RFWD3: variants seen among roughly 807,000 people sequenced by gnomAD.
RFWD3 encodes E3 ubiquitin-protein ligase RFWD3.
RFWD3 carries 65 observed loss-of-function variants against 87.7 expected under a neutral mutation model. That is an observed-to-expected ratio of 0.74 (90% CI 0.61 to 0.91). The LOEUF (loss-of-function observed/expected upper bound fraction) is 0.91, where lower values mean the gene tolerates loss of function less well. Among genes scored for constraint, RFWD3 ranks in the 40% least tolerant of loss-of-function variants. The pLI is 0.00. For synonymous variants in RFWD3, 433 were observed against 352.8 expected, an observed-to-expected ratio of 1.23 and a Z score of -2.55; for missense variants, 1,078 against 938.5, an observed-to-expected ratio of 1.15 and a Z score of -1.94.
chr16:74,659,145 A>G (rs1390134417), intron 2 of RFWD3, among the ~76,000 whole-genome samples: 3 of 152,140 alleles, frequency 2.0e-5, no homozygotes, highest in Admixed American at 6.5e-5. Flanking sequence ...CATCTGGTTT[A>G]TAAGTGTCAC....
intron 12 of RFWD3, 63 bp from the exon 13 acceptor site, chr16:74,624,134 TTCA>T: frequency 6.4e-7 from 1 of 1,550,614 alleles, no homozygotes; most frequent in Non-Finnish European, 8.7e-7. Context: ...ACTTCCATTC[TTCA>T]TCATCTAACA....
In RFWD3 at chr16:74,642,469, T is replaced by C. The variant is rs574800222; in HGVS notation, c.1079+1893A>G. Among the ~76,000 whole-genome samples, 5 of 151,954 alleles carry C rather than the reference T, an allele frequency of 3.3e-5. No homozygotes were observed. The East Asian group carries it at 9.7e-4, about 29-fold the overall frequency. ...AACTTCTTCTTCTTTAAAATTTTCTTTCCTTTTTTTCCTTCTTGACCTGGT... is the reference window on the plus strand; with the variant it reads ...AACTTCTTCTTCTTTAAAATTTTCTCTCCTTTTTTTCCTTCTTGACCTGGT... On this transcript the variant is annotated intron_variant, in intron 6 of 12. Coordinates refer to ENST00000361070, the MANE Select transcript of RFWD3 (RefSeq NM_018124.4).
chr16:74,629,571 G>A (rs1462738330), intron 10 of RFWD3, among the ~76,000 whole-genome samples: 1 of 151,704 alleles, frequency 6.6e-6, no homozygotes, highest in Non-Finnish European at 1.5e-5. Context: ...AGGATGCAGT[G>A]ATCCAAGACT....
intron 12 of RFWD3, among the ~76,000 whole-genome samples, chr16:74,624,752 T>G (rs554818494): frequency 6.6e-6 from 1 of 152,112 alleles, no homozygotes; most frequent in Non-Finnish European, 1.5e-5. Flanking sequence ...TTCCAACACT[T>G]TGGGAGTCTG....
chr16:74,644,737 T>C lies in RFWD3; in HGVS notation c.793-2A>G. 6.2e-7 allele frequency: 1 copy of C among 1,606,360 alleles called. No individual in the cohort carries two copies. The highest frequency in any genetic ancestry group is 1.1e-5 in the South Asian group (1 of 90,826). On this transcript the variant is annotated splice_acceptor_variant, in intron 4 of 12. Coordinates refer to ENST00000361070, the MANE Select transcript of RFWD3 (RefSeq NM_018124.4). LOFTEE classifies it high-confidence loss of function. ...AGGCTCAGACTTCTGGGGAGATGGCTAGATGGAAAGCAGAATATATTCAAA... is the reference window on the plus strand; with the variant it reads ...AGGCTCAGACTTCTGGGGAGATGGCCAGATGGAAAGCAGAATATATTCAAA...
At chr16:74,641,200 T>C (rs1326002728) in intron 6 of RFWD3, among the ~76,000 whole-genome samples, 1 of 151,974 alleles carries the variant, frequency 6.6e-6, no homozygotes, top group Admixed American at 6.6e-5. Context: ...TTCGCCATTG[T>C]TGCCCAAGCA....
intron 2 of RFWD3, among the ~76,000 whole-genome samples, chr16:74,655,870 CT>C (rs1293496229): frequency 7.2e-5 from 11 of 152,188 alleles, no homozygotes; most frequent in African/African-American, 2.7e-4. Context: ...TGGATAACAG[CT>C]TATCTGTTTA....
rs1958827507 is a variant in RFWD3 at position 74,623,520 on chromosome 16, T to C, written c.*408A>G. 1 of 170,588 alleles carries C rather than the reference T, an allele frequency of 5.9e-6. No homozygotes were observed. 10.6% of individuals were successfully genotyped at this position (170,588 alleles called of 1,614,324 possible). ...AGACGATGGTTAGTCCCTTCAAGGA[T>C]ACTTAAGTGACAGGACAACTCAGAT... On this transcript the variant is annotated 3_prime_UTR_variant, in exon 13 of 13. Coordinates refer to ENST00000361070, the MANE Select transcript of RFWD3 (RefSeq NM_018124.4).
chr16:74,636,412 C>T lies in RFWD3; in HGVS notation c.1360G>A (p.Ala454Thr). Residue 454 changes from alanine to threonine, a missense_variant, in exon 8 of 13, where the codon GCA becomes ACA. By Grantham distance (58) the Ala-to-Thr change is moderately conservative. Coordinates refer to ENST00000361070, the MANE Select transcript of RFWD3 (RefSeq NM_018124.4). ...AGGCAGCTCAGAGCATCACAGTATG[C>T]CATGATCCGGCAGTTTCCTGCCTGA... ...VSQAGNCRIM[A>T]YCDALSCLVI... 1 of 1,614,182 alleles carries T rather than the reference C, an allele frequency of 6.2e-7. No homozygotes were observed. The highest frequency in any genetic ancestry group is 8.5e-7 in the Non-Finnish European group (1 of 1,180,030).
Position 74,661,400 on chromosome 16 carries a change from G to C in RFWD3, c.50C>G (p.Ala17Gly). 1.2e-6 allele frequency: 2 copies of C among 1,613,848 alleles called. No homozygotes were observed. Among genetic ancestry groups the C allele is most frequent in the Non-Finnish European group, 1.7e-6 (2 of 1,179,934 alleles). Residue 17 changes from alanine (A) to glycine (G), a missense_variant, in exon 2 of 13, where the codon GCC becomes GGC. Physicochemically the swap from Ala to Gly is moderately conservative, Grantham distance 60. Transcript: ENST00000361070. ...GCCAGCAGGAGCTGGCTGTTGTTCG[G>C]CATGATTTAACTGCACCTGAACATC... Reference protein sequence around the residue: ...EYDVQVQLNHAEQQPAPAGMA... With the variant: ...EYDVQVQLNHGEQQPAPAGMA...
At chr16:74,659,512 T>C (rs1247644596) in intron 2 of RFWD3, among the ~76,000 whole-genome samples, 8 of 152,052 alleles carry the variant, frequency 5.3e-5, no homozygotes. Flanking sequence ...CAAGAATCGC[T>C]TGAACCCGGG....
intron 2 of RFWD3, among the ~76,000 whole-genome samples, chr16:74,659,803 C>T (rs922239152): frequency 6.6e-6 from 1 of 152,186 alleles, no homozygotes; most frequent in Admixed American, 6.5e-5. Flanking sequence ...ACAACCAAAT[C>T]ACAAATTATC....
chr16:74,657,634 C>A (rs1283542744), intron 2 of RFWD3, among the ~76,000 whole-genome samples: 1 of 152,074 alleles, frequency 6.6e-6, no homozygotes, highest in East Asian at 1.9e-4. Context: ...CGCCACCACA[C>A]CCGACTAATT....
rs565954150 is a variant in RFWD3 at position 74,635,005 on chromosome 16, G to A, written c.1426+1341C>T. ...ACAAAAATTAACTAGGCATAGCCGGGCGCGGTGGCTCACGCCTGTAATCCC... is the reference window on the plus strand; with the variant it reads ...ACAAAAATTAACTAGGCATAGCCGGACGCGGTGGCTCACGCCTGTAATCCC... On this transcript the variant is annotated intron_variant, in intron 8 of 12. Coordinates refer to ENST00000361070, the MANE Select transcript of RFWD3 (RefSeq NM_018124.4). 6.3e-4 allele frequency among the ~76,000 whole-genome samples: 96 copies of A among 152,228 alleles called. 1 individual carries two copies. The highest frequency in any genetic ancestry group is 2.3e-3 in the African/African-American group (96 of 41,556).
chr16:74,653,282 T>A (rs899676314), intron 2 of RFWD3, among the ~76,000 whole-genome samples: 4 of 151,878 alleles, frequency 2.6e-5, no homozygotes, highest in Non-Finnish European at 5.9e-5. Context: ...GAGGCTGCAG[T>A]GAGCCATGAT....
chr16:74,664,323 A>T (rs1431554347), intron 1 of RFWD3: 1 of 152,186 alleles, frequency 6.6e-6, no homozygotes, highest in African/African-American at 2.4e-5. Flanking sequence ...CATAAGGCCC[A>T]AGCTACTTCT....
chr16:74,665,190 T>G (rs1448112977), intron 1 of RFWD3: 1 of 152,264 alleles, frequency 6.6e-6, no homozygotes, highest in African/African-American at 2.4e-5. Context: ...GTCACGCCTG[T>G]GATCCCTGGA....
chr16:74,630,676 G>A (rs1959066002), intron 10 of RFWD3, 105 bp downstream of exon 10: 1 of 968,066 alleles, frequency 1.0e-6, no homozygotes. Context: ...AAAAATTTGT[G>A]AGGATTTCTG....
At chr16:74,628,775 C>CCTTT in intron 10 of RFWD3, 109 bp from the exon 11 acceptor site, 1 of 832,742 alleles carries the variant, frequency 1.2e-6, no homozygotes, top group African/African-American at 1.7e-5. Flanking sequence ...AGGTTAAACG[C>CCTTT]CTTTAGTCAC....
Sources: allele counts gnomAD v4.1 joint callset (sites outside exome capture counted in the v4.1 genomes callset), GRCh38; gene constraint gnomAD v4.1.1; transcripts MANE v1.5; gene names NCBI Gene and HGNC (gene_info 2026-07-23, HGNC 2026-07-21).